Variants in ELAVL4 observed in about 807,000 individuals in gnomAD.
ELAVL4 encodes ELAV like RNA binding protein 4.
In ELAVL4, 1 loss-of-function variant was observed where a neutral mutation model predicts 35.6. That is an observed-to-expected ratio of 0.03 (90% confidence interval 0.01 to 0.13). The LOEUF is 0.13. Among genes scored for constraint, ELAVL4 ranks in the 10% least tolerant of loss-of-function variants. The pLI is 1.00. For missense variants in ELAVL4, 267 were observed against 464.9 expected (o/e 0.57, Z 3.91); for synonymous variants, 156 against 171.0 (o/e 0.91, Z 0.69).
At chr1:50,195,462 CTTACT>C in intron 4 of ELAVL4, 94 bp from the exon 5 acceptor site, 1 of 1,348,482 alleles carries the variant, frequency 7.4e-7, no homozygotes, top group Non-Finnish European at 1.0e-6. Flanking sequence ...CACAGGTGGG[CTTACT>C]CCTCACACAA....
At chr1:50,143,385 A>G (rs1673144151) in intron 1 of ELAVL4, among the ~76,000 whole-genome samples, 1 of 152,230 alleles carries the variant, frequency 6.6e-6, no homozygotes, top group South Asian at 2.1e-4. Context: ...AGAGAATATT[A>G]GAATATGCTT....
At chr1:50,198,220 A>G (rs985944457) in intron 6 of ELAVL4, among the ~76,000 whole-genome samples, 2 of 152,180 alleles carry the variant, frequency 1.3e-5, no homozygotes, top group African/African-American at 4.8e-5. Context: ...ATGCAGATTC[A>G]AAGTTTTCCA....
At chr1:50,058,448 A>G (rs1289610650) in intron 1 of ELAVL4, among the ~76,000 whole-genome samples, 1 of 152,156 alleles carries the variant, frequency 6.6e-6, no homozygotes, top group East Asian at 1.9e-4. Context: ...TTATGTTTCT[A>G]TAGCACCCTT....
rs368789948 is a variant in ELAVL4, at chr1:50,068,867, TAGAC to T, written c.18+20688_18+20691del. ...GAATTAATAACAACGCTTTACTTAA[TAGAC>T]AGTTTCTCTTTCTAGGATCACAGAG... On this transcript the variant is annotated intron_variant, in intron 1 of 6. Coordinates refer to the ELAVL4 transcript ENST00000448907. Among the ~76,000 whole-genome samples the T allele has an allele frequency of 1.9e-3, 296 of 152,358 alleles. 2 individuals are homozygous for T. The highest frequency in any genetic ancestry group is 6.8e-3 in the African/African-American group (282 of 41,592).
upstream of ELAVL4, among the ~76,000 whole-genome samples, chr1:50,105,410 G>GTGTTTTGTTT (rs921035443): frequency 6.6e-6 from 1 of 152,178 alleles, no homozygotes; most frequent in Non-Finnish European, 1.5e-5. Context: ...ATTTGTGGCA[G>GTGTTTTGTTT]TGTTTTGTTT....
intron 1 of ELAVL4, among the ~76,000 whole-genome samples, chr1:50,098,184 T>A (rs1192203476): frequency 6.6e-6 from 1 of 152,234 alleles, no homozygotes; most frequent in African/African-American, 2.4e-5. Flanking sequence ...TTATGGATAA[T>A]GAAGTGGGCA....
chr1:50,199,409 A>G (rs1644263862), intron 6 of ELAVL4, among the ~76,000 whole-genome samples: 1 of 152,222 alleles, frequency 6.6e-6, no homozygotes, highest in Non-Finnish European at 1.5e-5. Context: ...GAAACTATTC[A>G]GTGTATAGCA....
chr1:50,138,127 C>T (rs1305283130), intron 1 of ELAVL4, among the ~76,000 whole-genome samples: 2 of 152,126 alleles, frequency 1.3e-5, no homozygotes, highest in Admixed American at 6.5e-5. Flanking sequence ...CAGTTCTCAG[C>T]CACCTTGGTG....
intron 1 of ELAVL4, chr1:50,110,033 ATGTG>A: frequency 6.4e-7 from 1 of 1,556,536 alleles, no homozygotes; most frequent in Non-Finnish European, 8.8e-7. Context: ...GTGTGCTTGT[ATGTG>A]TGTATGTGTA....
intron 1 of ELAVL4, among the ~76,000 whole-genome samples, chr1:50,055,742 A>T (rs901873437): frequency 2.6e-5 from 4 of 152,080 alleles, no homozygotes; most frequent in African/African-American, 9.7e-5. Flanking sequence ...GACGATCAAC[A>T]AGTTATTTAT....
chr1:50,085,006 G>C (rs1051084048), intron 1 of ELAVL4, among the ~76,000 whole-genome samples: 2 of 152,058 alleles, frequency 1.3e-5, no homozygotes, highest in Non-Finnish European at 1.5e-5. Flanking sequence ...CATTATGATA[G>C]TTTCATAGAA....
Position 50,109,016 on chromosome 1 carries a change from C to CGGGGGGCCCGCG in ELAVL4, c.-174_-173insGGGGGGCCCGCG. 1 of 905,796 alleles carries CGGGGGGCCCGCG rather than the reference C, an allele frequency of 1.1e-6. No homozygotes were observed. Among genetic ancestry groups the CGGGGGGCCCGCG allele is most frequent in the Non-Finnish European group, 1.3e-6 (1 of 761,410 alleles). The allele number at this position is 905,796 out of a possible 1,614,324, so 56.1% of individuals were successfully genotyped here. A position where few individuals can be genotyped will look rare whatever the true frequency, so the allele number is the denominator to read the frequency against. ...CTCCTTTTCTTTTTTTTCTTTCTCT[C>CGGGGGGCCCGCG]CCCCGCCCACCCCCCCAAAAATAAT... is the stretch of plus-strand genomic sequence containing the variant. On this transcript the variant is annotated 5_prime_UTR_variant, in exon 1 of 7. Transcript: ENST00000371824.
chr1:50,183,591 T>C (rs978954267), intron 3 of ELAVL4, among the ~76,000 whole-genome samples: 1 of 152,164 alleles, frequency 6.6e-6, no homozygotes, highest in African/African-American at 2.4e-5. Flanking sequence ...TTTCGCTTTA[T>C]TCTTCTAATA....
At chr1:50,143,451 T>C (rs1673158338) in intron 1 of ELAVL4, among the ~76,000 whole-genome samples, 1 of 152,090 alleles carries the variant, frequency 6.6e-6, no homozygotes. Context: ...ATTGGCAGAG[T>C]AACTAATAAA....
rs910931852 is a variant in ELAVL4, at chr1:50,202,008, G to C, written c.*830G>C. 2 of 152,130 alleles carry C rather than the reference G, an allele frequency of 1.3e-5. No individual in the cohort carries two copies. The highest frequency in any genetic ancestry group is 2.9e-5 in the Non-Finnish European group (2 of 68,016). The allele number at this position is 152,130 out of a possible 1,614,324, so 9.4% of individuals were successfully genotyped here. On this transcript the variant is annotated 3_prime_UTR_variant, in exon 7 of 7. Coordinates refer to ENST00000371824, the MANE Select transcript of ELAVL4 (RefSeq NM_001144774.3). The stretch of plus-strand genomic sequence containing the variant: ...TTTAGGGGAAATTGACAACTTTGTC[G>C]CGTTCATACTGCACTGGTAACTTTT...
At chr1:50,199,993 T>A (rs1179214447) in intron 6 of ELAVL4, among the ~76,000 whole-genome samples, 10 of 152,246 alleles carry the variant, frequency 6.6e-5, no homozygotes, top group African/African-American at 2.4e-5. Context: ...TATGCTTTTC[T>A]AATGTATAGC....
At chr1:50,183,358 C>A (rs1681345438) in intron 3 of ELAVL4, among the ~76,000 whole-genome samples, 1 of 152,070 alleles carries the variant, frequency 6.6e-6, no homozygotes, top group African/African-American at 2.4e-5. Flanking sequence ...CCACTCTGAG[C>A]AAATCTATGA....
chr1:50,112,519 C>CA (rs752545481), intron 1 of ELAVL4, among the ~76,000 whole-genome samples: 41 of 152,052 alleles, frequency 2.7e-4, no homozygotes, highest in Non-Finnish European at 4.4e-4. Context: ...AATATTTCTG[C>CA]AAAAAACATC....
intron 2 of ELAVL4, among the ~76,000 whole-genome samples, chr1:50,174,000 A>G (rs1218027608): frequency 6.6e-6 from 1 of 152,096 alleles, no homozygotes. Flanking sequence ...CGTTTCATCT[A>G]TTTTTTTCTA....
Sources: gnomAD v4.1 joint callset for allele counts (sites outside exome capture counted in the v4.1 genomes callset) on GRCh38, gnomAD v4.1.1 for gene constraint, MANE v1.5 for transcripts, NCBI Gene and HGNC (gene_info 2026-07-23, HGNC 2026-07-21) for gene names.